GRM8: variants seen among roughly 807,000 people sequenced by gnomAD.
GRM8 encodes the protein metabotropic glutamate receptor 8.
In GRM8, 47 loss-of-function variants were observed where a neutral mutation model predicts 87.2. The observed-to-expected ratio is 0.54, with a 90% CI of 0.43 to 0.69. GRM8 has a LOEUF of 0.69. Among genes scored for constraint, GRM8 ranks in the 30% least tolerant of loss-of-function variants. The probability of loss-of-function intolerance (pLI) is 0.00; values close to 1 mark genes in which losing one functional copy is unlikely to be tolerated. For synonymous variants in GRM8, 396 were observed against 404.5 expected (o/e 0.98, Z 0.25); for missense variants, 1,019 against 1,139.2 (o/e 0.89, Z 1.52).
At chr7:126,627,163 T>C (rs1283835098) in intron 7 of GRM8, among the ~76,000 whole-genome samples, 1 of 152,238 alleles carries the variant, frequency 6.6e-6, no homozygotes, top group Non-Finnish European at 1.5e-5. Flanking sequence ...GCTGTTAGTA[T>C]ACAAAATGCA....
intron 2 of GRM8, among the ~76,000 whole-genome samples, chr7:127,150,998 C>G (rs1828830131): frequency 6.6e-6 from 1 of 152,018 alleles, no homozygotes; most frequent in Admixed American, 6.6e-5. Context: ...CAGGTTTTAG[C>G]AGAACAACAG....
intron 7 of GRM8, among the ~76,000 whole-genome samples, chr7:126,642,784 A>G (rs547554358): frequency 6.6e-6 from 1 of 152,226 alleles, no homozygotes. Context: ...TCAAAAACAC[A>G]CTTGCTGGAA....
At chr7:127,045,358 T>C (rs926586087) in intron 3 of GRM8, among the ~76,000 whole-genome samples, 1 of 151,996 alleles carries the variant, frequency 6.6e-6, no homozygotes, top group Non-Finnish European at 1.5e-5. Flanking sequence ...CTATCATATA[T>C]CCCAATATCT....
In GRM8 at chr7:127,126,063, A is replaced by G. The variant is rs537644956; in HGVS notation, c.511-19351T>C. Among the ~76,000 whole-genome samples the G allele has an allele frequency of 1.2e-4, 18 of 152,186 alleles. No homozygotes were observed. The South Asian group carries it at 3.3e-3, about 28-fold the overall frequency. On this transcript the variant is annotated intron_variant, in intron 2 of 10. Transcript: ENST00000339582. ...TTTTACAATCTCTATGGAAAACAGT[A>G]AAGAGATTTCTCAAAGAATTAAAAG... is the stretch of plus-strand genomic sequence containing the variant.
chr7:126,785,301 C>G (rs139284350), intron 6 of GRM8, among the ~76,000 whole-genome samples: 42 of 152,240 alleles, frequency 2.8e-4, no homozygotes, highest in African/African-American at 8.4e-4. Flanking sequence ...CGGTCAAGCT[C>G]TTTAGAAGAG....
At chr7:126,848,713 T>TG (rs1472664778) in intron 6 of GRM8, among the ~76,000 whole-genome samples, 1 of 151,962 alleles carries the variant, frequency 6.6e-6, no homozygotes, top group Non-Finnish European at 1.5e-5. Flanking sequence ...CCCAGCTATA[T>TG]GGGAAGCTGA....
intron 2 of GRM8, among the ~76,000 whole-genome samples, chr7:127,161,929 T>A (rs1424413316): frequency 6.6e-6 from 1 of 152,010 alleles, no homozygotes; most frequent in African/African-American, 2.4e-5. Context: ...AGAAAAAAAA[T>A]TATCAGGTAA....
chr7:126,453,658 A>G (rs2150493434), intron 9 of GRM8, among the ~76,000 whole-genome samples: 1 of 151,952 alleles, frequency 6.6e-6, no homozygotes, highest in South Asian at 2.1e-4. Flanking sequence ...CAATGACTAT[A>G]ATTAAACATA....
intron 8 of GRM8, among the ~76,000 whole-genome samples, chr7:126,593,863 T>C (rs1796917919): frequency 6.6e-6 from 1 of 151,936 alleles, no homozygotes; most frequent in African/African-American, 2.4e-5. Flanking sequence ...GCTAAAGGTT[T>C]TATCCAAAAT....
At chr7:126,939,146 G>C (rs1327797026) in intron 3 of GRM8, among the ~76,000 whole-genome samples, 2 of 152,094 alleles carry the variant, frequency 1.3e-5, no homozygotes, top group African/African-American at 4.8e-5. Flanking sequence ...CTCTTTCTCA[G>C]GTTGGCAAGC....
chr7:126,766,889 G>C (rs1331472516), intron 7 of GRM8, among the ~76,000 whole-genome samples: 2 of 152,074 alleles, frequency 1.3e-5, no homozygotes, highest in African/African-American at 4.8e-5. Context: ...TGTTTTCTAG[G>C]TTCCTAACAG....
intron 3 of GRM8, among the ~76,000 whole-genome samples, chr7:126,932,935 G>C (rs945218993): frequency 6.6e-6 from 1 of 152,176 alleles, no homozygotes; most frequent in Non-Finnish European, 1.5e-5. Flanking sequence ...ATCTCAGGTT[G>C]TGGAGTTATA....
At chr7:126,505,763 T>C (rs1325130195) in intron 9 of GRM8, among the ~76,000 whole-genome samples, 2 of 152,104 alleles carry the variant, frequency 1.3e-5, no homozygotes, top group Non-Finnish European at 2.9e-5. Context: ...GATATAGATA[T>C]ACGTTTTGAA....
intron 3 of GRM8, among the ~76,000 whole-genome samples, chr7:126,985,886 G>A (rs1273917279): frequency 6.6e-6 from 1 of 152,078 alleles, no homozygotes; most frequent in Admixed American, 6.5e-5. Context: ...AGTTTTGGAG[G>A]GGACATTTAA....
chr7:126,901,230 C>T (rs1768397237), intron 6 of GRM8, among the ~76,000 whole-genome samples: 1 of 152,158 alleles, frequency 6.6e-6, no homozygotes, highest in African/African-American at 2.4e-5. Flanking sequence ...ACATGACTGA[C>T]CACTTCTTGT....
At chr7:127,117,862 T>C (rs1043764652) in intron 2 of GRM8, among the ~76,000 whole-genome samples, 1 of 152,232 alleles carries the variant, frequency 6.6e-6, no homozygotes, top group Non-Finnish European at 1.5e-5. Flanking sequence ...TCAGTAATTA[T>C]AACTAACAAA....
At chr7:126,666,576 T>C (rs1290550319) in intron 7 of GRM8, among the ~76,000 whole-genome samples, 1 of 152,096 alleles carries the variant, frequency 6.6e-6, no homozygotes, top group African/African-American at 2.4e-5. Context: ...GCGTCCAGCA[T>C]GTCACACCCA....
At chr7:127,149,836 T>C (rs1828754790) in intron 2 of GRM8, among the ~76,000 whole-genome samples, 1 of 151,966 alleles carries the variant, frequency 6.6e-6, no homozygotes, top group Non-Finnish European at 1.5e-5. Flanking sequence ...ACATGTGGAA[T>C]CTAAAAAATC....
intron 9 of GRM8, among the ~76,000 whole-genome samples, chr7:126,490,879 A>C (rs1807925681): frequency 6.6e-6 from 1 of 152,080 alleles, no homozygotes; most frequent in Non-Finnish European, 1.5e-5. Context: ...AAAAATTGGA[A>C]AAGGTAATTT....
Sources: gnomAD v4.1 joint callset for allele counts (sites outside exome capture counted in the v4.1 genomes callset) on GRCh38, gnomAD v4.1.1 for gene constraint, MANE v1.5 for transcripts, NCBI Gene and HGNC (gene_info 2026-07-23, HGNC 2026-07-21) for gene names.